The following TTBK2 variants were observed in gnomAD, a reference collection of about 807,000 sequenced individuals.
TTBK2 encodes the protein tau tubulin kinase 2.
TTBK2 carries 28 observed loss-of-function variants against 110.8 expected under a neutral mutation model. The observed-to-expected ratio is 0.25, with a 90% confidence interval of 0.19 to 0.35. The LOEUF is 0.35. Among genes scored for constraint, TTBK2 ranks in the 10% least tolerant of loss-of-function variants. TTBK2 has a pLI of 1.00. For synonymous variants in TTBK2, 532 were observed against 527.3 expected (o/e 1.01, Z -0.12); for missense variants, 1,369 against 1,500.3 (o/e 0.91, Z 1.45).
intron 1 of TTBK2, chr15:42,919,635 T>C (rs1357315085): frequency 1.5e-5 from 3 of 199,814 alleles, no homozygotes; most frequent in East Asian, 1.9e-4. Flanking sequence ...ATAATAAAAC[T>C]GTCCTCTTTA....
chr15:42,875,844 T>C (rs1289744932), intron 2 of TTBK2, among the ~76,000 whole-genome samples: 1 of 142,346 alleles, frequency 7.0e-6, no homozygotes, highest in Non-Finnish European at 1.5e-5. Context: ...AGGCGCAGGC[T>C]GCAGTGAGCT....
intron 9 of TTBK2, among the ~76,000 whole-genome samples, chr15:42,799,049 T>C (rs970606827): frequency 3.3e-5 from 5 of 152,112 alleles, no homozygotes; most frequent in Non-Finnish European, 7.4e-5. Flanking sequence ...TCAACCAATA[T>C]AATGCAAAAT....
chr15:42,887,612 C>G (rs761393652), intron 1 of TTBK2, among the ~76,000 whole-genome samples: 1 of 152,226 alleles, frequency 6.6e-6, no homozygotes, highest in Non-Finnish European at 1.5e-5. Flanking sequence ...AGTCCAGGAT[C>G]TGCGCCTTAT....
At chr15:42,776,666 A>G (rs1889938223) in intron 12 of TTBK2, among the ~76,000 whole-genome samples, 1 of 152,168 alleles carries the variant, frequency 6.6e-6, no homozygotes, top group Non-Finnish European at 1.5e-5. Flanking sequence ...TCTCTGCCTA[A>G]TGCCATCTTT....
Position 42,752,609 on chromosome 15 carries a change from A to G in TTBK2, c.2637T>C (p.Ser879=). The G allele has an allele frequency of 2.5e-6, 4 of 1,614,100 alleles. No individual in the cohort carries two copies. Among genetic ancestry groups the G allele is most frequent in the Non-Finnish European group, 2.5e-6 (3 of 1,180,020 alleles). ...CTTCACTCATGATGTCATCATCCTT[A>G]GATATCTTATTTTTTTGCATTTCTG... ...QVAEMQKNKI[S]KDDDIMSEDL... is the part of the protein sequence containing the mutation. The change falls in exon 14 of 15, where the codon TCT becomes TCC. Residue 879 remains serine, a synonymous_variant. Coordinates refer to ENST00000267890, the MANE Select transcript of TTBK2 (RefSeq NM_173500.4).
chr15:42,763,370 C>A (rs929283503), intron 13 of TTBK2, among the ~76,000 whole-genome samples: 1 of 149,422 alleles, frequency 6.7e-6, no homozygotes, highest in Non-Finnish European at 1.5e-5. Flanking sequence ...TGCCCCATCA[C>A]GCCTGTCTAA....
intron 14 of TTBK2, among the ~76,000 whole-genome samples, chr15:42,750,986 C>A: frequency 6.6e-6 from 1 of 152,134 alleles, no homozygotes; most frequent in East Asian, 1.9e-4. Flanking sequence ...GCAAAACTGT[C>A]CTTCAAAAAT....
intron 13 of TTBK2, among the ~76,000 whole-genome samples, chr15:42,758,971 C>T (rs2061985128): frequency 6.6e-6 from 1 of 152,210 alleles, no homozygotes; most frequent in African/African-American, 2.4e-5. Context: ...AGCCAAGCTG[C>T]CACAGCTTAA....
At chr15:42,909,643 G>A (rs952787996) in intron 1 of TTBK2, among the ~76,000 whole-genome samples, 1 of 151,990 alleles carries the variant, frequency 6.6e-6, no homozygotes. Flanking sequence ...AGAAAATGAA[G>A]AAAATATTGC....
chr15:42,884,809 C>T (rs1056423507), intron 1 of TTBK2, among the ~76,000 whole-genome samples: 1 of 152,188 alleles, frequency 6.6e-6, no homozygotes, highest in Non-Finnish European at 1.5e-5. Context: ...GTGACCTGCA[C>T]GTATACATCC....
chr15:42,745,571 CT>C lies in TTBK2; in HGVS notation c.*223del. On this transcript the variant is annotated 3_prime_UTR_variant, in exon 15 of 15. Coordinates refer to ENST00000267890, the MANE Select transcript of TTBK2 (RefSeq NM_173500.4). ...AGTTTCTCCCCCTTGGATTTTTGCT[CT>C]ATTTTTCCTTCTTGTACAAAGACAT... 1 of 595,334 alleles carries C rather than the reference CT, an allele frequency of 1.7e-6. No homozygotes were observed. Among genetic ancestry groups the C allele is most frequent in the Non-Finnish European group, 2.9e-6 (1 of 341,268 alleles). The allele number at this position is 595,334 out of a possible 1,614,324, so 36.9% of individuals were successfully genotyped here.
intron 11 of TTBK2, among the ~76,000 whole-genome samples, chr15:42,782,335 G>T (rs1890214886): frequency 6.6e-6 from 1 of 152,194 alleles, no homozygotes; most frequent in African/African-American, 2.4e-5. Context: ...GCCTCCCAAA[G>T]TGCTAGGATT....
intron 3 of TTBK2, among the ~76,000 whole-genome samples, chr15:42,868,440 C>A (rs1360371184): frequency 1.3e-5 from 2 of 152,058 alleles, no homozygotes; most frequent in African/African-American, 4.8e-5. Flanking sequence ...GGAGTACATG[C>A]ATGTGTGAGG....
intron 5 of TTBK2, among the ~76,000 whole-genome samples, chr15:42,828,684 C>T (rs545926245): frequency 1.6e-4 from 24 of 146,740 alleles, no homozygotes; most frequent in African/African-American, 2.3e-4. Context: ...GATTGCGCCA[C>T]GGCACTCCAG....
chr15:42,787,174 T>C (rs1341131134), intron 10 of TTBK2, among the ~76,000 whole-genome samples: 2 of 152,160 alleles, frequency 1.3e-5, no homozygotes, highest in Non-Finnish European at 2.9e-5. Context: ...TCTCGTCTGT[T>C]TACACGTTGG....
At chr15:42,821,256 T>C (rs550075427) in intron 6 of TTBK2, among the ~76,000 whole-genome samples, 4 of 152,288 alleles carry the variant, frequency 2.6e-5, no homozygotes, top group South Asian at 4.1e-4. Flanking sequence ...TACAGCTACC[T>C]AAAGGTGAAT....
intron 7 of TTBK2, among the ~76,000 whole-genome samples, chr15:42,814,702 G>A (rs1485623516): frequency 6.6e-6 from 1 of 152,210 alleles, no homozygotes; most frequent in African/African-American, 2.4e-5. Flanking sequence ...AACCTTTTAA[G>A]TTTAGACAAG....
chr15:42,816,071 AAAAT>A lies in TTBK2; in HGVS notation c.603+957_603+960del, dbSNP rs1288207934. On this transcript the variant is annotated intron_variant, in intron 7 of 14. Coordinates refer to ENST00000267890, the MANE Select transcript of TTBK2 (RefSeq NM_173500.4). The stretch of plus-strand genomic sequence containing the variant: ...CTCTATATAAAAATATATATATATA[AAAAT>A]AAATAAATAAATATATATATATATA... Among the ~76,000 whole-genome samples the A allele has an allele frequency of 3.6e-3, 307 of 85,968 alleles. 4 individuals are homozygous for A. Among genetic ancestry groups the A allele is most frequent in the African/African-American group, 0.012 (172 of 14,758 alleles). 56.4% of individuals were successfully genotyped at this position (85,968 alleles called of 152,430 possible). A position where few individuals can be genotyped will look rare whatever the true frequency, so the allele number is the denominator to read the frequency against.
chr15:42,796,902 A>C (rs1027811444), intron 9 of TTBK2, among the ~76,000 whole-genome samples: 4 of 152,276 alleles, frequency 2.6e-5, no homozygotes, highest in Non-Finnish European at 5.9e-5. Flanking sequence ...AAAGAAACTA[A>C]AAAGATAAAG....
Sources: gnomAD v4.1 joint callset for allele counts (sites outside exome capture counted in the v4.1 genomes callset) on GRCh38, gnomAD v4.1.1 for gene constraint, MANE v1.5 for transcripts, NCBI Gene and HGNC (gene_info 2026-07-23, HGNC 2026-07-21) for gene names.